CLVS1: variants seen among roughly 807,000 people sequenced by gnomAD.
CLVS1 encodes clavesin 1.
In CLVS1, 10 loss-of-function variants were observed where a neutral mutation model predicts 33.1. The observed-to-expected ratio is 0.30, with a 90% CI of 0.19 to 0.51. CLVS1 has a LOEUF of 0.51. CLVS1 is among the 20% of genes least tolerant of loss of function. CLVS1 has a pLI of 0.97. For synonymous variants in CLVS1, 163 were observed against 166.1 expected, an observed-to-expected ratio of 0.98 and a Z score of 0.14; for missense variants, 343 against 433.4, an observed-to-expected ratio of 0.79 and a Z score of 1.85.
chr8:61,357,859 C>T (rs754537628), intron 2 of CLVS1, among the ~76,000 whole-genome samples: 9 of 152,044 alleles, frequency 5.9e-5, no homozygotes, highest in East Asian at 5.8e-4. Flanking sequence ...GCCTGGCCAC[C>T]GGGACATTTT....
chr8:61,369,209 G>T (rs1479158496), intron 2 of CLVS1, among the ~76,000 whole-genome samples: 1 of 152,066 alleles, frequency 6.6e-6, no homozygotes, highest in African/African-American at 2.4e-5. Context: ...CAAGATTCAG[G>T]GTAGTAAATT....
chr8:61,308,715 A>G (rs147639468), intron 2 of CLVS1, among the ~76,000 whole-genome samples: 247 of 152,218 alleles, frequency 1.6e-3, no homozygotes, highest in African/African-American at 5.8e-3. Context: ...TATCAGCATC[A>G]ATAACTACCA....
At chr8:61,384,771 C>T (rs1814016796) in intron 3 of CLVS1, among the ~76,000 whole-genome samples, 2 of 152,018 alleles carry the variant, frequency 1.3e-5, no homozygotes, top group Non-Finnish European at 2.9e-5. Context: ...AAAGAAAAGA[C>T]CATTCAGAAA....
intron 2 of CLVS1, among the ~76,000 whole-genome samples, chr8:61,159,586 C>T (rs1806714663): frequency 6.6e-6 from 1 of 152,218 alleles, no homozygotes; most frequent in East Asian, 1.9e-4. Context: ...CCTCAGCCTC[C>T]TGAGCTATCT....
intron 2 of CLVS1, among the ~76,000 whole-genome samples, chr8:61,211,326 C>A (rs1449331750): frequency 6.6e-6 from 1 of 151,690 alleles, no homozygotes. Flanking sequence ...CTTCTCTTCC[C>A]CTTTCCTTCC....
At chr8:61,484,403 T>C (rs1292475496) in intron 5 of CLVS1, among the ~76,000 whole-genome samples, 1 of 152,088 alleles carries the variant, frequency 6.6e-6, no homozygotes, top group Non-Finnish European at 1.5e-5. Flanking sequence ...GAAGGACTTA[T>C]TCAAGGAGAA....
chr8:61,286,530 G>A (rs1332835623), upstream of CLVS1, among the ~76,000 whole-genome samples: 1 of 152,106 alleles, frequency 6.6e-6, no homozygotes, highest in Non-Finnish European at 1.5e-5. Context: ...TCTCGTTCTG[G>A]GAATGTATAA....
At chr8:61,251,524 C>A (rs1808948521) in intron 2 of CLVS1, among the ~76,000 whole-genome samples, 1 of 152,108 alleles carries the variant, frequency 6.6e-6, no homozygotes, top group African/African-American at 2.4e-5. Flanking sequence ...TAGAATTGGG[C>A]TATAAATCTG....
intron 3 of CLVS1, among the ~76,000 whole-genome samples, chr8:61,384,720 T>G (rs1814015121): frequency 6.6e-6 from 1 of 152,124 alleles, no homozygotes; most frequent in South Asian, 2.1e-4. Flanking sequence ...GAAAGAGGTT[T>G]AGGATGGATC....
intron 3 of CLVS1, among the ~76,000 whole-genome samples, chr8:61,440,468 T>C (rs1816498563): frequency 6.6e-6 from 1 of 152,240 alleles, no homozygotes; most frequent in Non-Finnish European, 1.5e-5. Context: ...GTGGTTCAAA[T>C]TTACCATTTG....
At chr8:61,120,010 C>G (rs1453648411) in intron 1 of CLVS1, among the ~76,000 whole-genome samples, 2 of 146,468 alleles carry the variant, frequency 1.4e-5, no homozygotes, top group Admixed American at 1.3e-4. Context: ...TCAGGTACAC[C>G]AATCAGACGT....
intron 3 of CLVS1, among the ~76,000 whole-genome samples, chr8:61,423,894 A>G (rs1454096690): frequency 6.6e-6 from 1 of 152,140 alleles, no homozygotes; most frequent in East Asian, 1.9e-4. Context: ...TGAGAATAAT[A>G]TTTTTCTGTA....
intron 2 of CLVS1, among the ~76,000 whole-genome samples, chr8:61,281,079 C>T (rs1809662357): frequency 6.6e-6 from 1 of 152,162 alleles, no homozygotes; most frequent in African/African-American, 2.4e-5. Flanking sequence ...TACATTTATT[C>T]TACATAGTTA....
intron 1 of CLVS1, among the ~76,000 whole-genome samples, chr8:61,091,671 A>G (rs1805252574): frequency 6.6e-6 from 1 of 152,216 alleles, no homozygotes; most frequent in Admixed American, 6.5e-5. Flanking sequence ...AATTTAGCAG[A>G]TACTACCTGG....
In CLVS1 at chr8:61,479,469, T is replaced by A. The variant is rs1022061228; in HGVS notation, c.978-19986T>A. 1.4e-4 allele frequency among the ~76,000 whole-genome samples: 21 copies of A among 152,232 alleles called. 1 individual carries two copies. Among genetic ancestry groups the A allele is most frequent in the African/African-American group, 5.1e-4 (21 of 41,464 alleles). On this transcript the variant is annotated intron_variant, in intron 5 of 5. Transcript: ENST00000325897. Reference sequence around the variant, plus strand: ...AAGGACTTCTCTGCATAGGTCATTCTAGTTAGCCATTCGTCTAATTTTTTT... The same window carrying A: ...AAGGACTTCTCTGCATAGGTCATTCAAGTTAGCCATTCGTCTAATTTTTTT...
At chr8:61,268,408 G>A (rs1809358290) in intron 2 of CLVS1, among the ~76,000 whole-genome samples, 1 of 151,152 alleles carries the variant, frequency 6.6e-6, no homozygotes, top group Admixed American at 6.6e-5. Context: ...TCTTAATCCA[G>A]TCTATCATTG....
At chr8:61,094,884 G>T (rs1188919450) in intron 1 of CLVS1, among the ~76,000 whole-genome samples, 1 of 152,180 alleles carries the variant, frequency 6.6e-6, no homozygotes, top group Non-Finnish European at 1.5e-5. Context: ...GGTCTTGGCA[G>T]CCCTAGCAGA....
chr8:61,033,045 GAAAAA>G, the CLVS1 span, among the ~76,000 whole-genome samples: 1 of 90,272 alleles, frequency 1.1e-5, no homozygotes, highest in Non-Finnish European at 2.4e-5. Flanking sequence ...AAGAAAGAAA[GAAAAA>G]GAAAGAAAGA....
intron 2 of CLVS1, among the ~76,000 whole-genome samples, chr8:61,212,007 A>T (rs1033580982): frequency 6.6e-6 from 1 of 152,108 alleles, no homozygotes; most frequent in Non-Finnish European, 1.5e-5. Context: ...CTCTGGGGGG[A>T]GTATGGTTGT....
Sources: gnomAD v4.1 joint callset for allele counts (sites outside exome capture counted in the v4.1 genomes callset) on GRCh38, gnomAD v4.1.1 for gene constraint, MANE v1.5 for transcripts, NCBI Gene and HGNC (gene_info 2026-07-23, HGNC 2026-07-21) for gene names.